The following RALGAPA1 variants were observed in gnomAD, a reference collection of about 807,000 sequenced individuals.
RALGAPA1 encodes ral GTPase-activating protein subunit alpha-1.
Under a neutral mutation model 269.6 loss-of-function variants are expected in RALGAPA1, and 52 were observed. The observed-to-expected ratio is 0.19, with a 90% CI of 0.15 to 0.24. RALGAPA1 has a LOEUF of 0.24. RALGAPA1 is among the 10% of genes least tolerant of loss of function. The probability of loss-of-function intolerance (pLI) is 1.00; values close to 1 mark genes in which losing one functional copy is unlikely to be tolerated. For synonymous variants in RALGAPA1, 817 were observed against 1,008.3 expected (o/e 0.81, Z 3.60); for missense variants, 1,917 against 3,013.9 (o/e 0.64, Z 8.52).
intron 35 of RALGAPA1, among the ~76,000 whole-genome samples, chr14:35,614,067 GAA>G (rs2060109468): frequency 6.6e-6 from 1 of 152,048 alleles, no homozygotes; most frequent in African/African-American, 2.4e-5. Flanking sequence ...TAATAAAAAA[GAA>G]TGACAATAAC....
intron 36 of RALGAPA1, among the ~76,000 whole-genome samples, chr14:35,603,229 C>T (rs1431405857): frequency 1.3e-5 from 2 of 152,078 alleles, no homozygotes; most frequent in South Asian, 2.1e-4. Context: ...TGTAAATCTT[C>T]CTAACTTGTT....
Position 35,761,406 on chromosome 14 carries a change from G to C in RALGAPA1, c.370-400C>G, listed in dbSNP as rs1018974224. Among the ~76,000 whole-genome samples the C allele has an allele frequency of 2.0e-5, 3 of 152,122 alleles. No individual in the cohort carries two copies. In the East Asian group the frequency reaches 5.8e-4, roughly 29 times the overall value. On this transcript the variant is annotated intron_variant, in intron 5 of 41. Transcript: ENST00000680220. Reference sequence around the variant, plus strand: ...GAATGAGTTTGGTAAAAGGAGGAATGGTTATGGGGATCCTGGCACACTGCG... The same window carrying C: ...GAATGAGTTTGGTAAAAGGAGGAATCGTTATGGGGATCCTGGCACACTGCG...
In RALGAPA1 at chr14:35,762,440, G is replaced by A. The variant is rs538850741; in HGVS notation, c.369+270C>T. ...CCGGCTAATTTTTGTATTTTTAGTA[G>A]AGACAGGGTTTCACTATGTTGGCCA... On this transcript the variant is annotated intron_variant, in intron 5 of 41. Transcript: ENST00000680220. Among the ~76,000 whole-genome samples the A allele has an allele frequency of 5.3e-5, 8 of 152,208 alleles. No homozygotes were observed. In the South Asian group the frequency reaches 8.3e-4, roughly 16 times the overall value.
Position 35,704,797 on chromosome 14 carries a change from C to T in RALGAPA1, c.2267-4495G>A, listed in dbSNP as rs564064907. Among the ~76,000 whole-genome samples the T allele has an allele frequency of 2.0e-5, 3 of 151,966 alleles. No individual in the cohort carries two copies. In the East Asian group the frequency reaches 5.8e-4, roughly 29 times the overall value. Reference sequence around the variant, plus strand: ...AAAATACAGTTTAACAAGAGAAGAACCAGGTTTGTTATTAAAGGAAATAAT... The same window carrying T: ...AAAATACAGTTTAACAAGAGAAGAATCAGGTTTGTTATTAAAGGAAATAAT... On this transcript the variant is annotated intron_variant, in intron 16 of 41. Transcript: ENST00000680220.
chr14:35,799,083 T>A lies in RALGAPA1; in HGVS notation c.106+9647A>T, dbSNP rs963513980. ...AGACTTTTTATTACTTAAAAATCTT[T>A]AAAAGATCACTACTTGTTTAAACAA... On this transcript the variant is annotated intron_variant, in intron 1 of 41. Transcript: ENST00000680220. Among the ~76,000 whole-genome samples the A allele has an allele frequency of 2.6e-5, 4 of 151,988 alleles. No homozygotes were observed. The South Asian group carries it at 8.3e-4, about 32-fold the overall frequency.
chr14:35,784,252 A>C (rs1446688402), intron 1 of RALGAPA1, among the ~76,000 whole-genome samples: 1 of 152,240 alleles, frequency 6.6e-6, no homozygotes, highest in Non-Finnish European at 1.5e-5. Context: ...GATAGACAAA[A>C]TATGGTATAA....
chr14:35,750,452 T>C (rs767955483), intron 9 of RALGAPA1, 30 bp downstream of exon 9: 22 of 1,590,728 alleles, frequency 1.4e-5, no homozygotes, highest in Middle Eastern at 3.3e-4. Context: ...CATTTCTAAC[T>C]TTAACAGGCC....
Position 35,809,192 on chromosome 14 carries a change from G to A in RALGAPA1, c.-357C>T. On this transcript the variant is annotated 5_prime_UTR_variant, in exon 1 of 42. Coordinates refer to ENST00000680220, the MANE Select transcript of RALGAPA1 (RefSeq NM_001346249.2). The stretch of plus-strand genomic sequence containing the variant: ...GCCCCGGACCCAGAGCCACGAAGGT[G>A]GAGCTCTCGGCGGCAGGAGCACAAC... 4.0e-6 allele frequency: 1 copy of A among 249,532 alleles called. No individual in the cohort carries two copies. Among genetic ancestry groups the A allele is most frequent in the South Asian group, 6.2e-5 (1 of 16,074 alleles). 15.5% of individuals were successfully genotyped at this position (249,532 alleles called of 1,614,324 possible). A position where few individuals can be genotyped will look rare whatever the true frequency, so the allele number is the denominator to read the frequency against.
intron 39 of RALGAPA1, among the ~76,000 whole-genome samples, chr14:35,563,137 T>C (rs1035802335): frequency 2.0e-5 from 3 of 150,448 alleles, no homozygotes; most frequent in Non-Finnish European, 4.4e-5. Flanking sequence ...CCATCTACCA[T>C]AGGCTAGGCA....
In RALGAPA1 at chr14:35,700,158, C is replaced by T. The variant is rs1379513721; in HGVS notation, c.2407+4G>A. On this transcript the variant is annotated splice_donor_region_variant and intron_variant, in intron 17 of 41. Transcript: ENST00000680220. Reference sequence around the variant, plus strand: ...GGTGCAGAAATTAGCAGAGGTGGCACTACCTGAAAGCTCATCAGAAAGGGG... The same window carrying T: ...GGTGCAGAAATTAGCAGAGGTGGCATTACCTGAAAGCTCATCAGAAAGGGG... The T allele has an allele frequency of 6.6e-7, 1 of 1,520,524 alleles. No individual in the cohort carries two copies. The highest frequency in any genetic ancestry group is 2.5e-5 in the East Asian group (1 of 40,634). The allele number at this position is 1,520,524 out of a possible 1,614,324, so 94.2% of individuals were successfully genotyped here.
chr14:35,694,292 C>T (rs974128825), intron 17 of RALGAPA1, among the ~76,000 whole-genome samples: 1 of 152,128 alleles, frequency 6.6e-6, no homozygotes, highest in Middle Eastern at 3.4e-3. Context: ...TTTTTATGGT[C>T]CCTAAATTCA....
At chr14:35,619,514 G>C (rs1233858096) in intron 35 of RALGAPA1, among the ~76,000 whole-genome samples, 1 of 152,186 alleles carries the variant, frequency 6.6e-6, no homozygotes, top group East Asian at 1.9e-4. Flanking sequence ...AGAACTGAAA[G>C]AGATAAGAGA....
intron 12 of RALGAPA1, among the ~76,000 whole-genome samples, chr14:35,734,134 G>A (rs947321423): frequency 6.6e-6 from 1 of 152,082 alleles, no homozygotes; most frequent in African/African-American, 2.4e-5. Context: ...ACTGCCAAAA[G>A]TGATCTACAA....
At chr14:35,555,885 G>A (rs911947733) in intron 39 of RALGAPA1, among the ~76,000 whole-genome samples, 1 of 152,070 alleles carries the variant, frequency 6.6e-6, no homozygotes, top group Non-Finnish European at 1.5e-5. Flanking sequence ...GGTATATTAG[G>A]CCTTTTAGTT....
chr14:35,598,203 T>C (rs2059038551), intron 36 of RALGAPA1, among the ~76,000 whole-genome samples: 1 of 152,156 alleles, frequency 6.6e-6, no homozygotes, highest in Non-Finnish European at 1.5e-5. Flanking sequence ...TGTTATTTGG[T>C]GCACATGTAT....
intron 31 of RALGAPA1, among the ~76,000 whole-genome samples, chr14:35,638,886 G>T (rs539708724): frequency 1.3e-5 from 2 of 151,512 alleles, no homozygotes; most frequent in Non-Finnish European, 2.9e-5. Flanking sequence ...AGATTGCGCC[G>T]CTGCACTCCA....
At chr14:35,762,553 G>C (rs935238755) in intron 5 of RALGAPA1, among the ~76,000 whole-genome samples, 157 bp downstream of exon 5, 1 of 152,090 alleles carries the variant, frequency 6.6e-6, no homozygotes, top group African/African-American at 2.4e-5. Context: ...ACTGCACCCA[G>C]CCTCTTGCTA....
chr14:35,635,323 C>T, intron 32 of RALGAPA1, 141 bp downstream of exon 32: 1 of 937,602 alleles, frequency 1.1e-6, no homozygotes, highest in African/African-American at 1.7e-5. Context: ...TTTAAATTAC[C>T]CTTAGGCACT....
chr14:35,797,567 C>T (rs117432972), intron 1 of RALGAPA1, among the ~76,000 whole-genome samples: 638 of 151,884 alleles, frequency 4.2e-3, no homozygotes, highest in Middle Eastern at 6.8e-3. Flanking sequence ...TAGAAGAGGC[C>T]GGGTGCAGTG....
Sources: gnomAD v4.1 joint callset for allele counts (sites outside exome capture counted in the v4.1 genomes callset) on GRCh38, gnomAD v4.1.1 for gene constraint, MANE v1.5 for transcripts, NCBI Gene and HGNC (gene_info 2026-07-23, HGNC 2026-07-21) for gene names.